The following HECW2 variants were observed in gnomAD, a reference collection of about 807,000 sequenced individuals.
HECW2 encodes E3 ubiquitin-protein ligase HECW2.
Under a neutral mutation model 175.2 loss-of-function variants are expected in HECW2, and 61 were observed. The ratio of observed to expected loss-of-function variants is 0.35; its 90% confidence interval spans 0.28 to 0.43. The LOEUF is 0.43. Among genes scored for constraint, HECW2 ranks in the 20% least tolerant of loss-of-function variants. The pLI is 1.00. For synonymous variants in HECW2, 671 were observed against 731.0 expected (o/e 0.92, Z 1.32); for missense variants, 1,524 against 2,000.5 (o/e 0.76, Z 4.54).
At chr2:196,454,535 T>C (rs1258821777) in intron 1 of HECW2, among the ~76,000 whole-genome samples, 3 of 152,222 alleles carry the variant, frequency 2.0e-5, no homozygotes, top group Non-Finnish European at 2.9e-5. Flanking sequence ...ATTATTTCCT[T>C]AGGATTATTT....
intron 28 of HECW2, 37 bp downstream of exon 28, chr2:196,215,828 T>C (rs750745354): frequency 7.2e-7 from 1 of 1,388,812 alleles, no homozygotes; most frequent in East Asian, 2.3e-5. Context: ...CTCCACCAAA[T>C]GTTGTGACAG....
intron 1 of HECW2, among the ~76,000 whole-genome samples, chr2:196,512,721 G>A (rs1039514292): frequency 2.7e-5 from 4 of 149,006 alleles, no homozygotes; most frequent in Admixed American, 6.7e-5. Context: ...TTGGAGTCTC[G>A]CTCTGTCACC....
chr2:196,507,231 A>ACACTAATATGTG (rs1687797921), intron 1 of HECW2, among the ~76,000 whole-genome samples: 11 of 152,092 alleles, frequency 7.2e-5, no homozygotes, highest in Non-Finnish European at 1.5e-4. Flanking sequence ...TATTACACAC[A>ACACTAATATGTG]TATAAATAGA....
At chr2:196,524,024 T>C (rs1688528511) in intron 1 of HECW2, among the ~76,000 whole-genome samples, 1 of 151,090 alleles carries the variant, frequency 6.6e-6, no homozygotes, top group African/African-American at 2.4e-5. Context: ...TCTTTTTCTA[T>C]TGATTGGAAT....
At chr2:196,461,607 T>C (rs1314305082) in intron 1 of HECW2, among the ~76,000 whole-genome samples, 2 of 152,162 alleles carry the variant, frequency 1.3e-5, no homozygotes, top group African/African-American at 4.8e-5. Flanking sequence ...AGAGGTTTAA[T>C]TGACTCACAG....
chr2:196,257,779 T>C (rs767096703), intron 18 of HECW2, 44 bp downstream of exon 18: 11 of 1,320,750 alleles, frequency 8.3e-6, no homozygotes, highest in Non-Finnish European at 1.2e-5. Context: ...TGATATCTGA[T>C]GACAAGAGAC....
At chr2:196,535,050 C>CA (rs34284545) in intron 1 of HECW2, among the ~76,000 whole-genome samples, 1,820 of 134,188 alleles carry the variant, frequency 0.014, 28 homozygotes, top group African/African-American at 0.033. Flanking sequence ...GTCAATATAA[C>CA]AAAAAAAAAA....
chr2:196,492,829 T>A (rs1447438930), intron 1 of HECW2, among the ~76,000 whole-genome samples: 3 of 152,226 alleles, frequency 2.0e-5, no homozygotes, highest in African/African-American at 7.2e-5. Flanking sequence ...AAACTGCTAC[T>A]TTAACAAAAA....
In HECW2 at chr2:196,248,593, G is replaced by GACAGAC. The variant is rs1688734769; in HGVS notation, c.3529+5321_3529+5326dup. On this transcript the variant is annotated intron_variant, in intron 19 of 28. Coordinates refer to ENST00000644978, the MANE Select transcript of HECW2 (RefSeq NM_001348768.2). ...GGGACAGATGAGAGAGAGAGAGACAGACAGACACACACACACACACACACA... is the reference window on the plus strand; with the variant it reads ...GGGACAGATGAGAGAGAGAGAGACAGACAGACACAGACACACACACACACACACACA... Among the ~76,000 whole-genome samples, 3 of 83,558 alleles carry GACAGAC rather than the reference G, an allele frequency of 3.6e-5. No individual in the cohort carries two copies. The Admixed American group carries it at 3.6e-4, about 10-fold the overall frequency. The allele number at this position is 83,558 out of a possible 152,430, so 54.8% of individuals were successfully genotyped here.
chr2:196,299,993 T>A (rs774706250), intron 13 of HECW2, among the ~76,000 whole-genome samples: 4 of 152,066 alleles, frequency 2.6e-5, no homozygotes, highest in Non-Finnish European at 5.9e-5. Flanking sequence ...CAGTCTCTAC[T>A]TGAAACAATG....
chr2:196,458,863 T>TCAA (rs932591793), intron 1 of HECW2, among the ~76,000 whole-genome samples: 5 of 150,972 alleles, frequency 3.3e-5, no homozygotes, highest in Non-Finnish European at 4.4e-5. Context: ...AGACTCTGTC[T>TCAA]CAACAACAAC....
At chr2:196,374,046 AAAAT>A (rs1553509127) in intron 2 of HECW2, among the ~76,000 whole-genome samples, 1 of 148,568 alleles carries the variant, frequency 6.7e-6, no homozygotes, top group Non-Finnish European at 1.5e-5. Flanking sequence ...AAAATAAAAT[AAAAT>A]AAATAAATAA....
chr2:196,243,858 C>T (rs1341853442), intron 19 of HECW2, among the ~76,000 whole-genome samples: 3 of 152,272 alleles, frequency 2.0e-5, no homozygotes, highest in Non-Finnish European at 4.4e-5. Context: ...GGATTACAGG[C>T]GTGAGCCACC....
intron 21 of HECW2, among the ~76,000 whole-genome samples, chr2:196,234,802 C>A (rs140323168): frequency 6.6e-6 from 1 of 152,158 alleles, no homozygotes; most frequent in Admixed American, 6.6e-5. Flanking sequence ...GCAACCCCTG[C>A]GTGCAATTTC....
At chr2:196,526,807 G>A (rs1217536971) in intron 1 of HECW2, among the ~76,000 whole-genome samples, 1 of 152,090 alleles carries the variant, frequency 6.6e-6, no homozygotes, top group Non-Finnish European at 1.5e-5. Context: ...AGGGGTCAGG[G>A]ACCCACTTGA....
chr2:196,398,004 G>T (rs1451167518), intron 2 of HECW2, among the ~76,000 whole-genome samples: 1 of 152,120 alleles, frequency 6.6e-6, no homozygotes, highest in African/African-American at 2.4e-5. Flanking sequence ...ACCTCACCAG[G>T]AAGTGGAGTC....
At chr2:196,511,782 T>C (rs1180180849) in intron 1 of HECW2, among the ~76,000 whole-genome samples, 2 of 152,054 alleles carry the variant, frequency 1.3e-5, no homozygotes, top group African/African-American at 4.8e-5. Flanking sequence ...TCAAGGTTGA[T>C]ATAACAAGGA....
At chr2:196,593,363 G>C (rs1019269711) in intron 1 of HECW2, 145 bp downstream of exon 1, 1 of 150,824 alleles carries the variant, frequency 6.6e-6, no homozygotes, top group African/African-American at 2.4e-5. Flanking sequence ...CCGGCTCCCC[G>C]CCGCTCGCTC....
At chr2:196,456,402 A>G (rs186194382) in intron 1 of HECW2, among the ~76,000 whole-genome samples, 2 of 151,626 alleles carry the variant, frequency 1.3e-5, no homozygotes, top group Admixed American at 6.6e-5. Context: ...ACCTTATCCC[A>G]GCAAGGAAAG....
Sources: gnomAD v4.1 joint callset for allele counts (sites outside exome capture counted in the v4.1 genomes callset) on GRCh38, gnomAD v4.1.1 for gene constraint, MANE v1.5 for transcripts, NCBI Gene and HGNC (gene_info 2026-07-23, HGNC 2026-07-21) for gene names.